TRDN: variants seen among roughly 807,000 people sequenced by gnomAD.
TRDN encodes the protein triadin.
In TRDN, 161 loss-of-function variants were observed where a neutral mutation model predicts 149.7. The ratio of observed to expected loss-of-function variants is 1.08; its 90% CI spans 0.95 to 1.23. TRDN has a LOEUF of 1.23. TRDN is among the 50% of genes most tolerant of loss of function. The probability of loss-of-function intolerance (pLI) is 0.00; values close to 1 mark genes in which losing one functional copy is unlikely to be tolerated. For synonymous variants in TRDN, 294 were observed against 250.5 expected, an observed-to-expected ratio of 1.17 and a Z score of -1.64; for missense variants, 896 against 823.5, an observed-to-expected ratio of 1.09 and a Z score of -1.08.
intron 2 of TRDN, among the ~76,000 whole-genome samples, chr6:123,558,342 C>T (rs570106775): frequency 1.7e-4 from 26 of 152,196 alleles, no homozygotes; most frequent in South Asian, 6.2e-4. Context: ...CCTCCACTCC[C>T]GCACCCTATA....
At chr6:123,235,037 G>A (rs996387036) in intron 38 of TRDN, among the ~76,000 whole-genome samples, 3 of 151,916 alleles carry the variant, frequency 2.0e-5, no homozygotes, top group African/African-American at 7.3e-5. Flanking sequence ...CCCCCAAAAT[G>A]GATAGAATAG....
chr6:123,464,098 G>C (rs148625848), intron 10 of TRDN, among the ~76,000 whole-genome samples: 9 of 152,110 alleles, frequency 5.9e-5, no homozygotes, highest in Admixed American at 2.6e-4. Context: ...TTTAATTACT[G>C]GTGTTTTATA....
At chr6:123,222,860 GA>G (rs1340863768) in intron 39 of TRDN, among the ~76,000 whole-genome samples, 4 of 151,698 alleles carry the variant, frequency 2.6e-5, no homozygotes, top group Non-Finnish European at 5.9e-5. Flanking sequence ...CTTTTCAAAT[GA>G]AGACATACAT....
At chr6:123,254,970 G>A (rs1397279942) in intron 37 of TRDN, 111 bp downstream of exon 37, 2 of 672,074 alleles carry the variant, frequency 3.0e-6, no homozygotes, top group Non-Finnish European at 2.6e-6. Context: ...ATTAAGAGAA[G>A]TTTGCATCTT....
At chr6:123,466,845 C>G (rs1776850496) in intron 9 of TRDN, among the ~76,000 whole-genome samples, 1 of 151,722 alleles carries the variant, frequency 6.6e-6, no homozygotes, top group South Asian at 2.1e-4. Flanking sequence ...TAGAATGGTG[C>G]CTGTTGAGTC....
At chr6:123,399,853 G>A (rs1312202435) in intron 12 of TRDN, among the ~76,000 whole-genome samples, 1 of 151,970 alleles carries the variant, frequency 6.6e-6, no homozygotes, top group Non-Finnish European at 1.5e-5. Flanking sequence ...CATTCCTTTT[G>A]CATTGATAAT....
rs545916970 is a variant in TRDN, at chr6:123,308,503, T to C, written c.1510+7954A>G. Among the ~76,000 whole-genome samples, 73 of 152,128 alleles carry C rather than the reference T, an allele frequency of 4.8e-4. 2 individuals carry two copies. The South Asian group carries it at 0.015, about 31-fold the overall frequency. ...TCAACAATATATAAGTATTCCTTTT[T>C]CTCAGGTTTGAAGAACTCTCTTTCC... On this transcript the variant is annotated intron_variant, in intron 24 of 40. Transcript: ENST00000334268.
In TRDN at chr6:123,516,160, T is replaced by A. The variant is rs1347485235; in HGVS notation, c.531A>T (p.Lys177Asn). ...KEKGKEKVRE[K>N]EKPEKKATHK... ...TCATACCTTTCTTTTCAGGTTTTTC[T>A]TTTTCTCTTACTTTTTCTTTTCCTT... is the stretch of plus-strand genomic sequence containing the variant. Residue 177 changes from lysine to asparagine, a missense_variant, in exon 6 of 41, where the codon AAA becomes AAT. Transcript: ENST00000334268. The A allele has an allele frequency of 1.3e-6, 2 of 1,492,026 alleles. No homozygotes were observed. The highest frequency in any genetic ancestry group is 2.6e-5 in the East Asian group (1 of 38,208). The allele number at this position is 1,492,026 out of a possible 1,614,324, so 92.4% of individuals were successfully genotyped here. A position where few individuals can be genotyped will look rare whatever the true frequency, so the allele number is the denominator to read the frequency against.
At chr6:123,432,754 TGTAA>T (rs35776057) in intron 12 of TRDN, among the ~76,000 whole-genome samples, 22,020 of 151,968 alleles carry the variant, frequency 0.14, 2,166 homozygotes, top group African/African-American at 0.29. Flanking sequence ...AAAACAAACT[TGTAA>T]GTGACATTCA....
At chr6:123,346,851 C>T (rs1423504156) in intron 21 of TRDN, among the ~76,000 whole-genome samples, 1 of 151,880 alleles carries the variant, frequency 6.6e-6, no homozygotes, top group Non-Finnish European at 1.5e-5. Context: ...GCTCAGAACT[C>T]TGGGTGCATA....
intron 14 of TRDN, among the ~76,000 whole-genome samples, chr6:123,385,999 T>C (rs1386190565): frequency 6.6e-6 from 1 of 152,152 alleles, no homozygotes; most frequent in African/African-American, 2.4e-5. Flanking sequence ...TCATATTTCT[T>C]CTGGGTATTA....
At chr6:123,499,231 T>G (rs533052769) in intron 8 of TRDN, among the ~76,000 whole-genome samples, 1 of 152,260 alleles carries the variant, frequency 6.6e-6, no homozygotes, top group Admixed American at 6.5e-5. Context: ...AATGAAATAT[T>G]ATCTGCCCCA....
At position 123,244,135 on chromosome 6, in the gene TRDN, G is replaced by A. The variant is rs9482371; in HGVS notation, c.1975+8277C>T. Among the ~76,000 whole-genome samples the A allele has an allele frequency of 7.9e-3, 1,207 of 152,246 alleles. 18 individuals carry two copies. The highest frequency in any genetic ancestry group is 0.028 in the African/African-American group (1,155 of 41,562). ...AAGTTAGATAAATCCACGAAGATGAGAAAAAGCTAGTGCAAAAATGCTGAA... is the reference window on the plus strand; with the variant it reads ...AAGTTAGATAAATCCACGAAGATGAAAAAAAGCTAGTGCAAAAATGCTGAA... On this transcript the variant is annotated intron_variant, in intron 38 of 40. Coordinates refer to ENST00000334268, the MANE Select transcript of TRDN (RefSeq NM_006073.4).
At chr6:123,345,154 C>T (rs1780205090) in intron 21 of TRDN, among the ~76,000 whole-genome samples, 1 of 151,758 alleles carries the variant, frequency 6.6e-6, no homozygotes, top group Admixed American at 6.6e-5. Context: ...TGTTATTTCC[C>T]AGGAATTTTA....
At chr6:123,345,206 T>A (rs1780206559) in intron 21 of TRDN, among the ~76,000 whole-genome samples, 1 of 152,062 alleles carries the variant, frequency 6.6e-6, no homozygotes, top group Non-Finnish European at 1.5e-5. Context: ...CCACTTTGAG[T>A]TAATTTTCTT....
At chr6:123,499,477 G>A (rs1165437597) in intron 8 of TRDN, among the ~76,000 whole-genome samples, 1 of 151,206 alleles carries the variant, frequency 6.6e-6, no homozygotes, top group Non-Finnish European at 1.5e-5. Context: ...GCTGAGGCGG[G>A]AGGATCATTT....
At position 123,616,286 on chromosome 6, in the gene TRDN, A is replaced by G. The variant is rs190149804; in HGVS notation, c.22+20468T>C. On this transcript the variant is annotated intron_variant, in intron 1 of 40. Transcript: ENST00000334268. ...GTTTGAGATGCAGTGAGCTATGATC[A>G]TGCCACTGGACTCCAGCCTGGATAA... Among the ~76,000 whole-genome samples, 5 of 152,182 alleles carry G rather than the reference A, an allele frequency of 3.3e-5. No homozygotes were observed. The East Asian group carries it at 7.7e-4, about 24-fold the overall frequency.
chr6:123,275,163 C>T (rs548819306), intron 26 of TRDN, among the ~76,000 whole-genome samples: 1 of 152,102 alleles, frequency 6.6e-6, no homozygotes, highest in African/African-American at 2.4e-5. Flanking sequence ...TTCTCCCAAA[C>T]AATCTGTTGA....
At chr6:123,484,687 A>AT (rs1777903136) in intron 9 of TRDN, among the ~76,000 whole-genome samples, 1 of 152,214 alleles carries the variant, frequency 6.6e-6, no homozygotes, top group Non-Finnish European at 1.5e-5. Flanking sequence ...AGACCAAAAA[A>AT]GCCACTTTAA....
Sources: allele counts gnomAD v4.1 joint callset (sites outside exome capture counted in the v4.1 genomes callset), GRCh38; gene constraint gnomAD v4.1.1; transcripts MANE v1.5; gene names NCBI Gene and HGNC (gene_info 2026-07-23, HGNC 2026-07-21).